The following RBMS3 variants were observed in gnomAD, a reference collection of about 807,000 sequenced individuals.
The protein encoded by RBMS3 is RNA-binding motif, single-stranded-interacting protein 3.
RBMS3 carries 27 observed loss-of-function variants against 66.8 expected under a neutral mutation model. The ratio of observed to expected loss-of-function variants is 0.40; its 90% CI spans 0.30 to 0.56. The LOEUF (loss-of-function observed/expected upper bound fraction) is 0.56. Among genes scored for constraint, RBMS3 ranks in the 20% least tolerant of loss-of-function variants. The pLI, the probability that RBMS3 is intolerant of heterozygous loss-of-function variation, is 0.40. For missense variants in RBMS3, 513 were observed against 549.5 expected (o/e 0.93, Z 0.66); for synonymous variants, 188 against 183.0 (o/e 1.03, Z -0.22).
At chr3:29,349,665 C>T (rs2036786896) in intron 1 of RBMS3, among the ~76,000 whole-genome samples, 1 of 152,128 alleles carries the variant, frequency 6.6e-6, no homozygotes, top group Non-Finnish European at 1.5e-5. Flanking sequence ...TCTCTGTCAC[C>T]CTACTCTGAC....
At chr3:29,351,738 T>C (rs533602474) in intron 1 of RBMS3, among the ~76,000 whole-genome samples, 1 of 152,232 alleles carries the variant, frequency 6.6e-6, no homozygotes, top group South Asian at 2.1e-4. Flanking sequence ...TAATATCTCA[T>C]ATGTTTTTCT....
intron 11 of RBMS3, among the ~76,000 whole-genome samples, chr3:29,942,038 G>A (rs1015791317): frequency 6.6e-6 from 1 of 151,710 alleles, no homozygotes; most frequent in African/African-American, 2.4e-5. Context: ...CTGGTCTATG[G>A]AAATATTCTA....
intron 2 of RBMS3, among the ~76,000 whole-genome samples, chr3:29,448,321 T>G (rs543667973): frequency 2.6e-5 from 4 of 152,316 alleles, no homozygotes; most frequent in Admixed American, 2.6e-4. Flanking sequence ...CATCCTGAAC[T>G]GATAATGAAT....
rs529106688 is a variant in RBMS3 at position 29,640,752 on chromosome 3, G to T, written c.399+53547G>T. ...AAAGTAGCTTTTTACCCTATATAAA[G>T]AATAATACATATGAAACAGTATTGT... On this transcript the variant is annotated intron_variant, in intron 4 of 14. Transcript: ENST00000383767. Among the ~76,000 whole-genome samples the T allele has an allele frequency of 3.3e-5, 5 of 151,950 alleles. No individual in the cohort carries two copies. The South Asian group carries it at 8.3e-4, about 25-fold the overall frequency.
intron 3 of RBMS3, among the ~76,000 whole-genome samples, chr3:29,498,261 C>T (rs2043837366): frequency 6.6e-6 from 1 of 151,800 alleles, no homozygotes; most frequent in South Asian, 2.1e-4. Context: ...TCCCAAAGTG[C>T]TGGGATTACA....
intron 8 of RBMS3, among the ~76,000 whole-genome samples, chr3:29,896,114 G>A (rs2060118812): frequency 6.6e-6 from 1 of 151,134 alleles, no homozygotes; most frequent in African/African-American, 2.4e-5. Context: ...AAGAGTTAAA[G>A]TACATTTAAG....
chr3:29,598,809 G>A (rs2048049625), intron 4 of RBMS3, among the ~76,000 whole-genome samples: 1 of 151,930 alleles, frequency 6.6e-6, no homozygotes, highest in Non-Finnish European at 1.5e-5. Flanking sequence ...AATACCTAAT[G>A]CTTAACTGTA....
chr3:29,547,807 A>ATTTTTTTTTTTTTTTTTTTTTTTTT (rs3043400), intron 3 of RBMS3, among the ~76,000 whole-genome samples: 2 of 93,300 alleles, frequency 2.1e-5, no homozygotes, highest in Non-Finnish European at 2.1e-5. Context: ...TTGTGGATTG[A>ATTTTTTTTTTTTTTTTTTTTTTTTT]TTTTTTTTTT....
chr3:29,521,155 T>C (rs1326967421), intron 3 of RBMS3, among the ~76,000 whole-genome samples: 4 of 152,138 alleles, frequency 2.6e-5, no homozygotes, highest in Non-Finnish European at 5.9e-5. Flanking sequence ...ATATTTAAAA[T>C]TATAGTAAGT....
intron 3 of RBMS3, among the ~76,000 whole-genome samples, chr3:29,562,301 C>T (rs2149050440): frequency 6.6e-6 from 1 of 152,146 alleles, no homozygotes. Flanking sequence ...CTATTTTCAC[C>T]CAGGCTTACT....
At chr3:29,663,752 T>C (rs989339561) in intron 4 of RBMS3, among the ~76,000 whole-genome samples, 1 of 138,998 alleles carries the variant, frequency 7.2e-6, no homozygotes, top group African/African-American at 2.5e-5. Context: ...GATTGTTTCT[T>C]TTTTAAAAAA....
chr3:29,972,983 AC>A (rs1294821485), intron 12 of RBMS3, among the ~76,000 whole-genome samples: 8 of 152,072 alleles, frequency 5.3e-5, no homozygotes, highest in African/African-American at 1.9e-4. Flanking sequence ...AATTAAATGA[AC>A]CTAAAGAGGC....
chr3:29,555,310 T>C (rs1383205776), intron 3 of RBMS3, among the ~76,000 whole-genome samples: 5 of 152,182 alleles, frequency 3.3e-5, no homozygotes, highest in Non-Finnish European at 5.9e-5. Flanking sequence ...TCCTTCACTA[T>C]GTGACATTTC....
At chr3:29,432,714 C>G (rs9832027) in intron 1 of RBMS3, among the ~76,000 whole-genome samples, 43,078 of 151,916 alleles carry the variant, frequency 0.28, 6,363 homozygotes, top group Middle Eastern at 0.38. Context: ...TTAAATAAGA[C>G]CCAATACACT....
intron 2 of RBMS3, among the ~76,000 whole-genome samples, chr3:29,451,855 G>A (rs2042027633): frequency 6.6e-6 from 1 of 152,168 alleles, no homozygotes; most frequent in Non-Finnish European, 1.5e-5. Flanking sequence ...CGTTCATGTT[G>A]TTGCAGCATA....
At chr3:29,542,784 C>T (rs781235331) in intron 3 of RBMS3, among the ~76,000 whole-genome samples, 4 of 152,164 alleles carry the variant, frequency 2.6e-5, no homozygotes, top group African/African-American at 4.8e-5. Context: ...AATAATTCTT[C>T]CTTTCTTTTA....
intron 1 of RBMS3, among the ~76,000 whole-genome samples, chr3:29,316,880 G>A (rs903857937): frequency 1.3e-5 from 2 of 151,556 alleles, no homozygotes; most frequent in African/African-American, 2.4e-5. Flanking sequence ...TGTTAACACC[G>A]TTGTTATTCA....
chr3:29,876,305 TA>T (rs1195662932), intron 7 of RBMS3, among the ~76,000 whole-genome samples: 2 of 151,830 alleles, frequency 1.3e-5, no homozygotes, highest in African/African-American at 2.4e-5. Context: ...AATCAAAGGC[TA>T]AAAAAAATTA....
chr3:29,517,602 C>G (rs557248132), intron 3 of RBMS3, among the ~76,000 whole-genome samples: 1 of 151,576 alleles, frequency 6.6e-6, no homozygotes, highest in Non-Finnish European at 1.5e-5. Flanking sequence ...GGATTACAGG[C>G]GTGAGCCACC....
Sources: allele counts gnomAD v4.1 joint callset (sites outside exome capture counted in the v4.1 genomes callset), GRCh38; gene constraint gnomAD v4.1.1; transcripts MANE v1.5; gene names NCBI Gene and HGNC (gene_info 2026-07-23, HGNC 2026-07-21).